The following CLPTM1L variants were observed in gnomAD, a reference collection of about 807,000 sequenced individuals.
CLPTM1L encodes lipid scramblase CLPTM1L.
In CLPTM1L, 38 loss-of-function variants were observed where a neutral mutation model predicts 70.9. The ratio of observed to expected loss-of-function variants is 0.54; its 90% CI spans 0.41 to 0.70. CLPTM1L has a LOEUF of 0.70. CLPTM1L is among the 30% of genes least tolerant of loss of function. The probability of loss-of-function intolerance (pLI) is 0.00; values close to 1 mark genes in which losing one functional copy is unlikely to be tolerated. For missense variants in CLPTM1L, 652 were observed against 705.9 expected, an observed-to-expected ratio of 0.92 and a Z score of 0.87; for synonymous variants, 339 against 299.9, an observed-to-expected ratio of 1.13 and a Z score of -1.35.
intron 2 of CLPTM1L, among the ~76,000 whole-genome samples, 165 bp downstream of exon 2, chr5:1,344,186 T>C (rs1276523008): frequency 1.3e-5 from 2 of 152,268 alleles, no homozygotes; most frequent in South Asian, 2.1e-4. Context: ...GCTGAATGTT[T>C]ACAGGCCACG....
At chr5:1,324,843 A>T in intron 10 of CLPTM1L, 30 bp from the exon 11 acceptor site, 2 of 1,603,078 alleles carry the variant, frequency 1.2e-6, no homozygotes, top group Non-Finnish European at 1.7e-6. Flanking sequence ...AGTGATATTA[A>T]TAGACTCAGG....
intron 5 of CLPTM1L, among the ~76,000 whole-genome samples, chr5:1,337,370 C>T (rs983561579): frequency 1.3e-5 from 2 of 152,262 alleles, no homozygotes; most frequent in African/African-American, 4.8e-5. Context: ...TGCCCGTAAT[C>T]ACAGGGCGCC....
At chr5:1,328,411 CA>C (rs1752791662) in intron 9 of CLPTM1L, among the ~76,000 whole-genome samples, 4 of 148,182 alleles carry the variant, frequency 2.7e-5, no homozygotes, top group African/African-American at 5.1e-5. Flanking sequence ...TCCTCCTCTA[CA>C]GACACATTCC....
intron 13 of CLPTM1L, 84 bp downstream of exon 13, chr5:1,322,793 C>A: frequency 7.1e-7 from 1 of 1,414,698 alleles, no homozygotes; most frequent in Non-Finnish European, 1.0e-6. Context: ...GGGGGGCTTG[C>A]CACACTGGGT....
At position 1,335,133 on chromosome 5, in the gene CLPTM1L, G is replaced by A. The variant is rs1295909939; in HGVS notation, c.720C>T (p.Ser240=). Residue 240 remains serine (S), a synonymous_variant, in exon 6 of 17, where the codon TCC becomes TCT. Coordinates refer to ENST00000320895, the MANE Select transcript of CLPTM1L (RefSeq NM_030782.5). ...GCCGCCCCAGTGAGACCTTGTCGTA[G>A]GACACGGTGAGGGGCAGCTCGGTGG... ...RSTTELPLTV[S]YDKVSLGRLR... The A allele has an allele frequency of 1.9e-6, 3 of 1,613,632 alleles. No homozygotes were observed. The highest frequency in any genetic ancestry group is 2.5e-6 in the Non-Finnish European group (3 of 1,180,026).
intron 10 of CLPTM1L, 183 bp from the exon 11 acceptor site, chr5:1,324,996 C>T (rs892138792): frequency 8.1e-6 from 5 of 614,932 alleles, no homozygotes; most frequent in Middle Eastern, 8.6e-4. Flanking sequence ...GGATCCTTCC[C>T]GCCTCACCCT....
Position 1,322,765 on chromosome 5 carries a change from G to C in CLPTM1L, c.1315+112C>G, listed in dbSNP as rs573527116. ...CATGTGCCAGAACAGGGTGGGGAGG[G>C]ATTAGCCTCAAATCACAGGGGGGCT... On this transcript the variant is annotated intron_variant, in intron 13 of 16. Transcript: ENST00000320895. 413 of 1,086,138 alleles carry C rather than the reference G, an allele frequency of 3.8e-4. 2 individuals carry two copies. The highest frequency in any genetic ancestry group is 1.8e-3 in the Middle Eastern group (9 of 5,046). The allele number at this position is 1,086,138 out of a possible 1,614,324, so 67.3% of individuals were successfully genotyped here.
At chr5:1,331,122 C>G (rs569376780) in intron 8 of CLPTM1L, 3 of 153,566 alleles carry the variant, frequency 2.0e-5, no homozygotes, top group African/African-American at 7.2e-5. Context: ...CTGTCCAGAC[C>G]GCCGCTCCCC....
At chr5:1,328,963 A>G (rs796982591) in intron 9 of CLPTM1L, among the ~76,000 whole-genome samples, 4 of 151,900 alleles carry the variant, frequency 2.6e-5, no homozygotes, top group African/African-American at 4.8e-5. Context: ...CCTCCTCTAC[A>G]GACACATTTC....
intron 2 of CLPTM1L, among the ~76,000 whole-genome samples, chr5:1,343,582 C>T (rs950099329): frequency 1.2e-4 from 18 of 152,244 alleles, no homozygotes; most frequent in African/African-American, 4.1e-4. Flanking sequence ...GCTTGGTCAC[C>T]AGCACTTCTG....
chr5:1,330,369 A>T lies in CLPTM1L; in HGVS notation c.991T>A (p.Phe331Ile). 1 of 1,612,782 alleles carries T rather than the reference A, an allele frequency of 6.2e-7. No homozygotes were observed. Among genetic ancestry groups the T allele is most frequent in the Non-Finnish European group, 8.5e-7 (1 of 1,179,918 alleles). ...MSTKAVLWRCFSTVVIFLFLL... is the reference protein window; with the variant it reads ...MSTKAVLWRCISTVVIFLFLL... ...AACAGAAAGATGACCACGGTGCTGAAGCAGCGCCAGAGCACTGGGGACAGG... is the reference window on the plus strand; with the variant it reads ...AACAGAAAGATGACCACGGTGCTGATGCAGCGCCAGAGCACTGGGGACAGG... Residue 331 changes from phenylalanine (F) to isoleucine (I), a missense_variant, in exon 9 of 17, where the codon TTC becomes ATC. Coordinates refer to ENST00000320895, the MANE Select transcript of CLPTM1L (RefSeq NM_030782.5).
chr5:1,322,766 AT>A, intron 13 of CLPTM1L, 110 bp downstream of exon 13: 2 of 1,105,688 alleles, frequency 1.8e-6, no homozygotes, highest in Non-Finnish European at 2.8e-6. Flanking sequence ...GTGGGGAGGG[AT>A]TAGCCTCAAA....
At chr5:1,336,179 T>C (rs2111245441) in intron 5 of CLPTM1L, among the ~76,000 whole-genome samples, 1 of 152,208 alleles carries the variant, frequency 6.6e-6, no homozygotes, top group Admixed American at 6.5e-5. Flanking sequence ...GTCCGAAGGG[T>C]GTCACTGCCT....
intron 9 of CLPTM1L, among the ~76,000 whole-genome samples, chr5:1,327,246 C>T (rs1477360254): frequency 4.0e-5 from 6 of 150,292 alleles, no homozygotes; most frequent in East Asian, 2.0e-4. Context: ...AGCTCCTCCT[C>T]GACAGACACA....
intron 16 of CLPTM1L, among the ~76,000 whole-genome samples, chr5:1,319,773 G>C (rs1579614687): frequency 6.6e-6 from 1 of 152,212 alleles, no homozygotes; most frequent in Non-Finnish European, 1.5e-5. Flanking sequence ...GAGGCTCTGA[G>C]ACACTTGGCA....
In CLPTM1L at chr5:1,318,292, G is replaced by C. The variant is rs1751948156; in HGVS notation, c.*77C>G. On this transcript the variant is annotated 3_prime_UTR_variant, in exon 17 of 17. Coordinates refer to ENST00000320895, the MANE Select transcript of CLPTM1L (RefSeq NM_030782.5). The surrounding 1 kb of genome is among the most constrained non-coding windows in gnomAD (Gnocchi z 8.9). ...GGCAACACAGAAAACGCAATGTCTA[G>C]GAATTCCTCCAAATGCTTCCAAAAA... The C allele has an allele frequency of 2.5e-6, 3 of 1,199,900 alleles. No homozygotes were observed. Among genetic ancestry groups the C allele is most frequent in the Non-Finnish European group, 1.2e-6 (1 of 810,838 alleles). 74.3% of individuals were successfully genotyped at this position (1,199,900 alleles called of 1,614,324 possible). A position where few individuals can be genotyped will look rare whatever the true frequency, so the allele number is the denominator to read the frequency against.
chr5:1,338,656 G>A (rs1339956387), intron 4 of CLPTM1L, among the ~76,000 whole-genome samples: 8 of 152,232 alleles, frequency 5.3e-5, no homozygotes, highest in Admixed American at 4.6e-4. Flanking sequence ...GGATGCTCCA[G>A]CTTGAATTCC....
intron 16 of CLPTM1L, among the ~76,000 whole-genome samples, chr5:1,319,709 G>A (rs185903092): frequency 6.0e-4 from 92 of 152,346 alleles, no homozygotes; most frequent in African/African-American, 2.0e-3. Context: ...CCTCCTGGTC[G>A]GGGGAGGGAG....
At chr5:1,333,661 GGCTGA>G (rs1561244392) in intron 7 of CLPTM1L, among the ~76,000 whole-genome samples, 2 of 59,694 alleles carry the variant, frequency 3.4e-5, no homozygotes, top group East Asian at 5.5e-4. Flanking sequence ...TATACACACC[GGCTGA>G]GGATAAGGGG....
Sources: allele counts gnomAD v4.1 joint callset (sites outside exome capture counted in the v4.1 genomes callset), GRCh38; gene constraint gnomAD v4.1.1; non-coding constraint Gnocchi (gnomAD v3.1); transcripts MANE v1.5; gene names NCBI Gene and HGNC (gene_info 2026-07-23, HGNC 2026-07-21).